Variants in HEMK2 observed in about 807,000 individuals in gnomAD.
HEMK2 encodes methyltransferase HEMK2.
chr21:28,665,334 C>CTTTTTTT, the HEMK2 span, among the ~76,000 whole-genome samples: 16 of 36,678 alleles, frequency 4.4e-4, no homozygotes, highest in South Asian at 1.1e-3. Flanking sequence ...ATTTATATTT[C>CTTTTTTT]TTTTTTTTTT....
chr21:28,579,253 T>C, the HEMK2 span, among the ~76,000 whole-genome samples: 4 of 152,222 alleles, frequency 2.6e-5, no homozygotes, highest in Admixed American at 1.3e-4. Context: ...TTATAGACTA[T>C]TAACCAATTT....
the HEMK2 span, among the ~76,000 whole-genome samples, chr21:28,616,257 C>T: frequency 1.7e-3 from 266 of 152,216 alleles, 2 homozygotes; most frequent in African/African-American, 5.9e-3. Flanking sequence ...AACTCTTCTG[C>T]TTTGGGGAGA....
chr21:28,854,014 G>A, the HEMK2 span, among the ~76,000 whole-genome samples: 2 of 152,154 alleles, frequency 1.3e-5, no homozygotes, highest in African/African-American at 4.8e-5. Context: ...TTTCTCGACA[G>A]GAGATAAGAC....
At chr21:28,808,908 A>G in the HEMK2 span, among the ~76,000 whole-genome samples, 5 of 152,212 alleles carry the variant, frequency 3.3e-5, no homozygotes, top group African/African-American at 1.2e-4. Flanking sequence ...AGAGAATGGT[A>G]TTATTAATGT....
the HEMK2 span, among the ~76,000 whole-genome samples, chr21:28,694,925 G>A: frequency 8.6e-5 from 13 of 151,766 alleles, no homozygotes; most frequent in African/African-American, 3.1e-4. Flanking sequence ...GTGAACCCAG[G>A]AGGCGGAGCT....
At chr21:28,853,258 C>T in the HEMK2 span, among the ~76,000 whole-genome samples, 1 of 152,276 alleles carries the variant, frequency 6.6e-6, no homozygotes, top group African/African-American at 2.4e-5. Context: ...ATTTCCAGCT[C>T]GCTCACAGTG....
chr21:28,844,635 A>T, the HEMK2 span, among the ~76,000 whole-genome samples: 1 of 152,096 alleles, frequency 6.6e-6, no homozygotes, highest in African/African-American at 2.4e-5. Flanking sequence ...GATGTTGGCA[A>T]ATGGCTTTCC....
the HEMK2 span, among the ~76,000 whole-genome samples, chr21:28,627,794 C>T: frequency 1.3e-5 from 2 of 152,132 alleles, no homozygotes; most frequent in Non-Finnish European, 2.9e-5. Context: ...AACCTCCCTG[C>T]TCTTTTTCTG....
the HEMK2 span, among the ~76,000 whole-genome samples, chr21:28,706,206 C>T: frequency 1.3e-5 from 2 of 152,204 alleles, no homozygotes; most frequent in Non-Finnish European, 2.9e-5. Context: ...TCAAACCTGT[C>T]TCTAAATCTC....
At chr21:28,749,765 A>G in the HEMK2 span, among the ~76,000 whole-genome samples, 120 of 152,346 alleles carry the variant, frequency 7.9e-4, 1 homozygote, top group Admixed American at 7.8e-3. Flanking sequence ...CTCTCGGCCA[A>G]TTTAACAGAT....
the HEMK2 span, chr21:28,882,251 C>G: frequency 6.2e-7 from 1 of 1,609,226 alleles, no homozygotes; most frequent in Non-Finnish European, 8.5e-7. Flanking sequence ...ATCAGTGCAC[C>G]TATAAACAGA....
chr21:28,799,292 C>G, the HEMK2 span, among the ~76,000 whole-genome samples: 8 of 152,156 alleles, frequency 5.3e-5, no homozygotes, highest in Non-Finnish European at 7.3e-5. Flanking sequence ...AAGAGAGCTT[C>G]TGCAGAGAAA....
the HEMK2 span, among the ~76,000 whole-genome samples, chr21:28,620,510 C>A: frequency 6.6e-6 from 1 of 151,648 alleles, no homozygotes; most frequent in Non-Finnish European, 1.5e-5. Flanking sequence ...TGTATGTGTC[C>A]AGGAATTTAT....
chr21:28,729,850 A>G, the HEMK2 span, among the ~76,000 whole-genome samples: 2 of 152,174 alleles, frequency 1.3e-5, no homozygotes, highest in Non-Finnish European at 2.9e-5. Context: ...GATAAACAGC[A>G]CACCACTCCC....
chr21:28,730,202 A>AC, the HEMK2 span, among the ~76,000 whole-genome samples: 74,346 of 150,682 alleles, frequency 0.49, 20,860 homozygotes, highest in East Asian at 0.78. Flanking sequence ...GCATAGTGAG[A>AC]CCCCCATTGC....
chr21:28,734,879 C>T, the HEMK2 span, among the ~76,000 whole-genome samples: 2 of 152,170 alleles, frequency 1.3e-5, no homozygotes, highest in Non-Finnish European at 2.9e-5. Flanking sequence ...AAACAACAAT[C>T]ACTTGCATAA....
chr21:28,782,224 G>C, the HEMK2 span, among the ~76,000 whole-genome samples: 1 of 151,846 alleles, frequency 6.6e-6, no homozygotes, highest in Non-Finnish European at 1.5e-5. Flanking sequence ...AATTATTTTA[G>C]TTGACACATA....
At chr21:28,666,896 G>GA in the HEMK2 span, among the ~76,000 whole-genome samples, 16 of 152,040 alleles carry the variant, frequency 1.1e-4, no homozygotes, top group African/African-American at 3.9e-4. Context: ...GGAACAAATA[G>GA]AAAAAACTAG....
chr21:28,818,770 C>T, the HEMK2 span, among the ~76,000 whole-genome samples: 7 of 152,212 alleles, frequency 4.6e-5, no homozygotes, highest in Non-Finnish European at 8.8e-5. Context: ...AGCCTAGCTT[C>T]ACCATTAATT....
Sources: gnomAD v4.1 joint callset for allele counts (sites outside exome capture counted in the v4.1 genomes callset) on GRCh38, gnomAD v4.1.1 for gene constraint, MANE v1.5 for transcripts, NCBI Gene and HGNC (gene_info 2026-07-23, HGNC 2026-07-21) for gene names.